JCAD: variants seen among roughly 807,000 people sequenced by gnomAD.
JCAD encodes the protein junctional cadherin 5-associated protein.
In JCAD, 40 loss-of-function variants were observed where a neutral mutation model predicts 98.0. The ratio of observed to expected loss-of-function variants is 0.41; its 90% CI spans 0.32 to 0.53. The LOEUF (loss-of-function observed/expected upper bound fraction) is 0.53, where lower values mean the gene tolerates loss of function less well. JCAD is among the 20% of genes least tolerant of loss of function. The pLI, the probability that JCAD is intolerant of heterozygous loss-of-function variation, is 0.31. For missense variants in JCAD, 1,705 were observed against 1,738.1 expected, an observed-to-expected ratio of 0.98 and a Z score of 0.34; for synonymous variants, 691 against 682.3, an observed-to-expected ratio of 1.01 and a Z score of -0.20.
chr10:30,051,254 CCACACGCACACA>C (rs1235036603), intron 1 of JCAD, among the ~76,000 whole-genome samples: 2 of 146,678 alleles, frequency 1.4e-5, no homozygotes, highest in African/African-American at 2.6e-5. Context: ...TTCTCACACA[CCACACGCACACA>C]CGCACGCACA....
chr10:30,027,175 G>A lies in JCAD; in HGVS notation c.2973C>T (p.Ser991=). 1.9e-6 allele frequency: 3 copies of A among 1,614,152 alleles called. No individual in the cohort carries two copies. The highest frequency in any genetic ancestry group is 1.7e-6 in the Non-Finnish European group (2 of 1,179,982). Residue 991 remains serine, a synonymous_variant, in exon 3 of 4, where the codon TCC becomes TCT. Coordinates refer to ENST00000375377, the MANE Select transcript of JCAD (RefSeq NM_020848.4). ...RSSDAKPLPA[S]YPAEPREPQE... is the part of the protein sequence containing the mutation. ...GGGGCTCCCTAGGTTCAGCTGGATA[G>A]GACGCGGGCAGTGGTTTTGCGTCAC...
In JCAD at chr10:30,027,824, G is replaced by A. The variant is rs772494524; in HGVS notation, c.2324C>T (p.Pro775Leu). ...CTGACTTCGGCCTGCTTTTGGCGTC[G>A]GTGCCTGGTCCACGGACAAGGAAGT... ...SRTSLSVDQA[P>L]TPKAGRSQPC... Residue 775 changes from proline (P) to leucine (L), a missense_variant, in exon 3 of 4, where the codon CCG becomes CTG. Coordinates refer to ENST00000375377, the MANE Select transcript of JCAD (RefSeq NM_020848.4). The A allele has an allele frequency of 1.9e-6, 3 of 1,614,110 alleles. No individual in the cohort carries two copies. The highest frequency in any genetic ancestry group is 2.7e-5 in the African/African-American group (2 of 74,938).
At chr10:30,101,914 A>G (rs1838477205) in intron 1 of JCAD, among the ~76,000 whole-genome samples, 1 of 152,208 alleles carries the variant, frequency 6.6e-6, no homozygotes, top group East Asian at 1.9e-4. Context: ...GTTGCAATGA[A>G]GAACAGGAAA....
chr10:30,066,468 G>A (rs1190411929), intron 2 of JCAD, among the ~76,000 whole-genome samples: 1 of 152,142 alleles, frequency 6.6e-6, no homozygotes, highest in Non-Finnish European at 1.5e-5. Flanking sequence ...GCTTCCCCCT[G>A]CCTGCAGTTT....
chr10:30,031,056 C>T (rs1836979903), intron 2 of JCAD, among the ~76,000 whole-genome samples: 1 of 151,766 alleles, frequency 6.6e-6, no homozygotes, highest in Non-Finnish European at 1.5e-5. Context: ...TACACATTAC[C>T]AAGTCTCTCC....
chr10:30,062,024 A>T (rs1837709021), upstream of JCAD, among the ~76,000 whole-genome samples: 1 of 152,192 alleles, frequency 6.6e-6, no homozygotes, highest in South Asian at 2.1e-4. Flanking sequence ...TTTCTAGGTC[A>T]ACCCCATGGA....
intron 3 of JCAD, among the ~76,000 whole-genome samples, chr10:30,020,461 C>CGA (rs1836641276): frequency 6.6e-6 from 1 of 152,130 alleles, no homozygotes; most frequent in Non-Finnish European, 1.5e-5. Context: ...ACATCCTCCT[C>CGA]ACTCCTTTTC....
At chr10:30,039,344 G>A (rs1326393066) in intron 2 of JCAD, among the ~76,000 whole-genome samples, 2 of 152,212 alleles carry the variant, frequency 1.3e-5, no homozygotes, top group African/African-American at 2.4e-5. Context: ...GTGACTGCAC[G>A]CAGGGCAGAC....
chr10:30,034,491 C>T (rs1469936953), intron 2 of JCAD, among the ~76,000 whole-genome samples: 3 of 152,162 alleles, frequency 2.0e-5, no homozygotes, highest in Non-Finnish European at 4.4e-5. Context: ...CTTTTGTTGT[C>T]ATTGAAATTA....
At chr10:30,073,382 G>A (rs13376928) in intron 1 of JCAD, among the ~76,000 whole-genome samples, 2,640 of 152,242 alleles carry the variant, frequency 0.017, 56 homozygotes, top group African/African-American at 0.053. Flanking sequence ...CTGTTCTTAC[G>A]CTGCACACTC....
intron 1 of JCAD, among the ~76,000 whole-genome samples, chr10:30,102,020 G>T (rs917874841): frequency 1.3e-5 from 2 of 152,112 alleles, no homozygotes; most frequent in African/African-American, 4.8e-5. Context: ...CAGAGGGTAA[G>T]CTAGTACTCT....
chr10:30,071,085 A>C (rs1837877896), intron 1 of JCAD, among the ~76,000 whole-genome samples: 1 of 152,084 alleles, frequency 6.6e-6, no homozygotes, highest in Admixed American at 6.6e-5. Context: ...TTGTGTTTTT[A>C]GTAGAGATGG....
At chr10:30,039,285 G>A (rs1309125394) in intron 2 of JCAD, among the ~76,000 whole-genome samples, 2 of 152,164 alleles carry the variant, frequency 1.3e-5, no homozygotes, top group Non-Finnish European at 2.9e-5. Flanking sequence ...GCAGGGACAG[G>A]AAGCACTAGA....
At chr10:30,018,009 A>G in intron 3 of JCAD, 92 bp from the exon 4 acceptor site, 2 of 943,174 alleles carry the variant, frequency 2.1e-6, no homozygotes, top group South Asian at 2.9e-5. Flanking sequence ...TCTAGGGAAC[A>G]AAATCTACAA....
At chr10:30,025,280 G>A (rs1836765478) in intron 3 of JCAD, among the ~76,000 whole-genome samples, 1 of 151,776 alleles carries the variant, frequency 6.6e-6, no homozygotes, top group African/African-American at 2.4e-5. Context: ...CACTTTGGGA[G>A]GCCAAGGTGG....
chr10:30,112,933 G>A (rs1839483641), intron 1 of JCAD, among the ~76,000 whole-genome samples: 1 of 151,870 alleles, frequency 6.6e-6, no homozygotes, highest in African/African-American at 2.4e-5. Context: ...CTGGAGCTTG[G>A]GAAAGAGGAT....
At chr10:30,018,299 T>C (rs1246526460) in intron 3 of JCAD, among the ~76,000 whole-genome samples, 5 of 150,252 alleles carry the variant, frequency 3.3e-5, no homozygotes, top group Admixed American at 6.6e-5. Context: ...TCTTCTTCTT[T>C]TTTTTTTTTT....
intron 2 of JCAD, among the ~76,000 whole-genome samples, chr10:30,038,587 T>A (rs193263471): frequency 1.5e-3 from 229 of 149,152 alleles, no homozygotes; most frequent in African/African-American, 5.3e-3. Context: ...CTACTCGAGA[T>A]GAGCGGGAGG....
chr10:30,024,422 G>A (rs1836736729), intron 3 of JCAD, among the ~76,000 whole-genome samples: 1 of 152,146 alleles, frequency 6.6e-6, no homozygotes, highest in Admixed American at 6.5e-5. Context: ...GGGGACTGCA[G>A]AGGAATTATG....
Sources: allele counts gnomAD v4.1 joint callset (sites outside exome capture counted in the v4.1 genomes callset), GRCh38; gene constraint gnomAD v4.1.1; transcripts MANE v1.5; gene names NCBI Gene and HGNC (gene_info 2026-07-23, HGNC 2026-07-21).